Variants in ERC2 observed in about 807,000 individuals in gnomAD.
The protein encoded by ERC2 is ERC protein 2.
ERC2 carries 42 observed loss-of-function variants against 114.8 expected under a neutral mutation model. That is an observed-to-expected ratio of 0.37 (90% CI 0.29 to 0.47). ERC2 has a LOEUF of 0.47. Ranked by LOEUF, ERC2 falls within the 20% of genes least tolerant of loss-of-function variation. The probability of loss-of-function intolerance (pLI) is 0.99; values close to 1 mark genes in which losing one functional copy is unlikely to be tolerated. For synonymous variants in ERC2, 454 were observed against 425.5 expected, an observed-to-expected ratio of 1.07 and a Z score of -0.82; for missense variants, 939 against 1,150.7, an observed-to-expected ratio of 0.82 and a Z score of 2.66.
intron 3 of ERC2, among the ~76,000 whole-genome samples, chr3:56,234,437 T>G (rs1027874244): frequency 2.6e-5 from 4 of 152,242 alleles, no homozygotes; most frequent in Admixed American, 6.5e-5. Flanking sequence ...TTTTATAAGT[T>G]GTATAACAAC....
At chr3:56,352,622 C>T (rs1484381206) in intron 2 of ERC2, among the ~76,000 whole-genome samples, 1 of 152,208 alleles carries the variant, frequency 6.6e-6, no homozygotes, top group African/African-American at 2.4e-5. Context: ...TAAAACAACA[C>T]ACAAATATTT....
intron 17 of ERC2, among the ~76,000 whole-genome samples, chr3:55,651,086 C>A (rs946034784): frequency 7.1e-6 from 1 of 141,042 alleles, no homozygotes; most frequent in African/African-American, 2.7e-5. Flanking sequence ...GTCACAAATT[C>A]CTGACCTCAT....
chr3:55,702,285 A>G (rs1221335521), intron 15 of ERC2, among the ~76,000 whole-genome samples: 1 of 152,156 alleles, frequency 6.6e-6, no homozygotes, highest in Non-Finnish European at 1.5e-5. Context: ...GATCTGGGGG[A>G]AATGTACACA....
intron 5 of ERC2, among the ~76,000 whole-genome samples, chr3:56,140,472 T>C (rs1055830246): frequency 4.6e-5 from 7 of 152,202 alleles, no homozygotes; most frequent in Non-Finnish European, 1.5e-5. Flanking sequence ...TCTTATGTCC[T>C]GAAGATTAAA....
chr3:56,217,178 T>C (rs1560397082), intron 3 of ERC2, among the ~76,000 whole-genome samples: 3 of 152,254 alleles, frequency 2.0e-5, no homozygotes, highest in South Asian at 4.2e-4. Context: ...GGTATTCAAT[T>C]AGGAAAAGAG....
intron 2 of ERC2, chr3:56,433,719 A>C (rs2061894765): frequency 6.5e-6 from 1 of 152,936 alleles, no homozygotes; most frequent in Admixed American, 6.5e-5. Flanking sequence ...GGATGGATCA[A>C]AGAAGAGTAT....
At chr3:56,387,580 GA>G (rs2059979406) in intron 2 of ERC2, among the ~76,000 whole-genome samples, 1 of 152,164 alleles carries the variant, frequency 6.6e-6, no homozygotes, top group Admixed American at 6.5e-5. Context: ...CGTTCACCAT[GA>G]CAACACTGTC....
chr3:56,295,060 C>G (rs771207953), intron 3 of ERC2, among the ~76,000 whole-genome samples: 105 of 152,282 alleles, frequency 6.9e-4, no homozygotes, highest in African/African-American at 2.4e-3. Context: ...CCATGTCTTC[C>G]GACCAACCAA....
chr3:56,408,223 C>T (rs908202189), intron 2 of ERC2, among the ~76,000 whole-genome samples: 1 of 152,120 alleles, frequency 6.6e-6, no homozygotes, highest in Non-Finnish European at 1.5e-5. Flanking sequence ...TGTGGAGTTG[C>T]CTTCCTCCGT....
Position 55,803,731 on chromosome 3 carries a change from G to C in ERC2, c.2565-68813C>G, listed in dbSNP as rs1358787531. Among the ~76,000 whole-genome samples, 4 of 152,248 alleles carry C rather than the reference G, an allele frequency of 2.6e-5. No homozygotes were observed. In the East Asian group the frequency reaches 5.8e-4, roughly 22 times the overall value. On this transcript the variant is annotated intron_variant, in intron 14 of 17. Coordinates refer to ENST00000288221, the MANE Select transcript of ERC2 (RefSeq NM_015576.3). The stretch of plus-strand genomic sequence containing the variant: ...AGTGGTGTGTCAAACTGTAAACACA[G>C]TCATGGAATATTGGTTCATTTTGAG...
intron 12 of ERC2, among the ~76,000 whole-genome samples, chr3:55,984,126 C>A (rs536221779): frequency 1.3e-5 from 2 of 152,134 alleles, no homozygotes; most frequent in African/African-American, 2.4e-5. Context: ...ATGATATGAA[C>A]CTTGATGTAA....
chr3:56,347,396 G>C (rs1436766863), intron 2 of ERC2, among the ~76,000 whole-genome samples: 1 of 151,958 alleles, frequency 6.6e-6, no homozygotes, highest in Non-Finnish European at 1.5e-5. Flanking sequence ...TATAGGGGGC[G>C]CTGGAGGAAA....
At chr3:55,557,336 G>A (rs1037982610) in intron 17 of ERC2, among the ~76,000 whole-genome samples, 1 of 152,128 alleles carries the variant, frequency 6.6e-6, no homozygotes, top group African/African-American at 2.4e-5. Flanking sequence ...GGAAACAAAG[G>A]GCAGACATCA....
intron 14 of ERC2, among the ~76,000 whole-genome samples, chr3:55,887,106 T>C (rs946165609): frequency 2.0e-5 from 3 of 152,178 alleles, no homozygotes; most frequent in Admixed American, 2.0e-4. Context: ...GAAACGGAGG[T>C]TGAGGTAGAA....
chr3:56,434,836 T>C lies in ERC2; in HGVS notation c.172A>G (p.Thr58Ala). The change falls in exon 2 of 18, where the codon ACG (threonine) becomes GCG (alanine). Residue 58 changes from threonine to alanine, a missense_variant. Thr to Ala is a moderately conservative substitution (Grantham distance 58). Around this residue, in one of 5 missense-constraint regions of ERC2, gnomAD observed 281 missense variants for 307.4 expected, o/e 0.91. Transcript: ENST00000288221. ...NIQSLNAAYA[T>A]SGPMYLSDHE... is the part of the protein sequence containing the mutation. Reference sequence around the variant, plus strand: ...TCACTCAGATACATGGGTCCAGACGTAGCATAGGCTGCATTGAGGGACTGG... The same window carrying C: ...TCACTCAGATACATGGGTCCAGACGCAGCATAGGCTGCATTGAGGGACTGG... 6.2e-7 allele frequency: 1 copy of C among 1,613,922 alleles called. No individual in the cohort carries two copies. Among genetic ancestry groups the C allele is most frequent in the Non-Finnish European group, 8.5e-7 (1 of 1,179,886 alleles).
chr3:56,452,931 T>C (rs1185512957), intron 1 of ERC2, among the ~76,000 whole-genome samples: 1 of 152,200 alleles, frequency 6.6e-6, no homozygotes, highest in Non-Finnish European at 1.5e-5. Context: ...CACAGGCTCA[T>C]TGTGTTGTTT....
chr3:55,574,939 C>A (rs1559678747), intron 17 of ERC2, among the ~76,000 whole-genome samples: 1 of 152,186 alleles, frequency 6.6e-6, no homozygotes, highest in East Asian at 1.9e-4. Flanking sequence ...GGTGGAGAAA[C>A]CACACACTGG....
intron 13 of ERC2, among the ~76,000 whole-genome samples, chr3:55,925,750 A>G (rs1052567539): frequency 6.6e-6 from 1 of 152,236 alleles, no homozygotes; most frequent in Admixed American, 6.5e-5. Context: ...ACTGGAAATC[A>G]TAATTACAGA....
At chr3:56,321,193 C>G (rs1416085658) in intron 2 of ERC2, among the ~76,000 whole-genome samples, 1 of 152,050 alleles carries the variant, frequency 6.6e-6, no homozygotes, top group Non-Finnish European at 1.5e-5. Flanking sequence ...CCAAGTTCCT[C>G]ATATTTTCGT....
Sources: allele counts gnomAD v4.1 joint callset (sites outside exome capture counted in the v4.1 genomes callset), GRCh38; gene constraint gnomAD v4.1.1; regional missense constraint gnomAD v4.1.1; transcripts MANE v1.5; gene names NCBI Gene and HGNC (gene_info 2026-07-23, HGNC 2026-07-21).